XG: variants seen among roughly 807,000 people sequenced by gnomAD.
XG encodes the protein glycoprotein Xg.
In XG, 24 loss-of-function variants were observed where a neutral mutation model predicts 25.7. That is an observed-to-expected ratio of 0.93 (90% confidence interval 0.68 to 1.31). The LOEUF is 1.31. Ranked by LOEUF, XG falls within the 40% of genes most tolerant of loss-of-function variation. The probability of loss-of-function intolerance (pLI) is 0.00; values close to 1 mark genes in which losing one functional copy is unlikely to be tolerated. For missense variants in XG, 181 were observed against 187.6 expected (o/e 0.96, Z 0.21); for synonymous variants, 77 against 69.2 (o/e 1.11, Z -0.56).
chrX:2,792,059 G>A (rs753478187), intron 5 of XG, among the ~76,000 whole-genome samples: 3 of 111,125 alleles, frequency 2.7e-5, no homozygotes, highest in African/African-American at 6.5e-5. Context: ...GAAGTGGGAA[G>A]ACCACTTGAG....
At chrX:2,778,579 C>T (rs1359164895) in intron 3 of XG, among the ~76,000 whole-genome samples, 5 of 151,920 alleles carry the variant, frequency 3.3e-5, no homozygotes, top group African/African-American at 9.7e-5. Context: ...AAATGAAAAC[C>T]GTAGCTCAGA....
chrX:2,789,137 G>A (rs2086812573), intron 4 of XG, among the ~76,000 whole-genome samples: 1 of 110,037 alleles, frequency 9.1e-6, no homozygotes, highest in Non-Finnish European at 1.9e-5. Flanking sequence ...TGGCTGAGGT[G>A]GGAGGATTGT....
intron 1 of XG, among the ~76,000 whole-genome samples, chrX:2,763,832 C>G (rs2050617740): frequency 6.6e-6 from 1 of 152,182 alleles, no homozygotes; most frequent in South Asian, 2.1e-4. Flanking sequence ...CTTCCTCACG[C>G]TGCAATCCCA....
chrX:2,767,307 C>A (rs1181126189), intron 1 of XG, among the ~76,000 whole-genome samples: 1 of 152,014 alleles, frequency 6.6e-6, no homozygotes, highest in African/African-American at 2.4e-5. Flanking sequence ...CACAGCTTTA[C>A]CGGGGGCTCA....
chrX:2,766,149 T>A (rs1051508465), intron 1 of XG, among the ~76,000 whole-genome samples: 2 of 140,638 alleles, frequency 1.4e-5, no homozygotes, highest in Non-Finnish European at 3.1e-5. Context: ...TCTCTCTCTC[T>A]CTTTTTTTTT....
chrX:2,774,877 A>G, intron 3 of XG, 138 bp downstream of exon 3: 5 of 1,157,352 alleles, frequency 4.3e-6, no homozygotes, highest in Non-Finnish European at 6.4e-6. Flanking sequence ...GCAGATATTG[A>G]AAGCAAAATG....
intron 1 of XG, among the ~76,000 whole-genome samples, chrX:2,764,067 G>C (rs1422885331): frequency 6.6e-6 from 1 of 152,202 alleles, no homozygotes; most frequent in African/African-American, 2.4e-5. Flanking sequence ...ACAGCTTGCC[G>C]TAAAGAAGTC....
chrX:2,765,041 CAAAAAAAA>C (rs1219282861), intron 1 of XG, among the ~76,000 whole-genome samples: 6 of 36,610 alleles, frequency 1.6e-4, no homozygotes, highest in South Asian at 1.4e-3. Flanking sequence ...ATTCTTTATC[CAAAAAAAA>C]AAAAAAAAAA....
intron 1 of XG, among the ~76,000 whole-genome samples, chrX:2,759,477 A>G (rs2050514816): frequency 6.6e-6 from 1 of 152,290 alleles, no homozygotes; most frequent in Middle Eastern, 3.4e-3. Flanking sequence ...AATGGATCTT[A>G]CTGTCAGAAT....
rs140931233 is a variant in XG at position 2,790,864 on chromosome X, A to G, written c.253+1158A>G. On this transcript the variant is annotated intron_variant, in intron 5 of 10. Transcript: ENST00000644266. ...TAATGACTTAAAAATTCTCATCTCCATGGTGAAAGACCAATTGCTTTTGAA... is the reference window on the plus strand; with the variant it reads ...TAATGACTTAAAAATTCTCATCTCCGTGGTGAAAGACCAATTGCTTTTGAA... Among the ~76,000 whole-genome samples the G allele has an allele frequency of 8.3e-3, 929 of 111,952 alleles. 16 individuals carry two copies. Among genetic ancestry groups the G allele is most frequent in the African/African-American group, 0.028 (875 of 30,896 alleles).
chrX:2,763,468 G>T (rs1240307782), intron 1 of XG, among the ~76,000 whole-genome samples: 1 of 151,914 alleles, frequency 6.6e-6, no homozygotes, highest in African/African-American at 2.4e-5. Context: ...CCTTCCCTGG[G>T]GCATGTGGCG....
chrX:2,814,662 TTG>T lies in XG; in HGVS notation c.*285_*286del. On this transcript the variant is annotated 3_prime_UTR_variant, in exon 11 of 11. Transcript: ENST00000644266. ...TGCACAAAGAGACTGTGGCTCTCTG[TTG>T]TGAGATCTTCAGCTACCTCATGGTG... 3.4e-6 allele frequency: 1 copy of T among 293,457 alleles called. No individual in the cohort carries two copies. Among genetic ancestry groups the T allele is most frequent in the Non-Finnish European group, 5.9e-6 (1 of 170,098 alleles). The allele number at this position is 293,457 out of a possible 1,213,427, so 24.2% of individuals were successfully genotyped here. A position where few individuals can be genotyped will look rare whatever the true frequency, so the allele number is the denominator to read the frequency against.
intron 1 of XG, chrX:2,753,074 G>T (rs1403887091): frequency 1.9e-5 from 13 of 681,186 alleles, no homozygotes; most frequent in Non-Finnish European, 2.4e-5. Flanking sequence ...AGAGAGAGAA[G>T]TATTTCTGTT....
intron 3 of XG, among the ~76,000 whole-genome samples, chrX:2,778,341 G>C (rs1464903299): frequency 6.6e-6 from 1 of 152,162 alleles, no homozygotes; most frequent in Non-Finnish European, 1.5e-5. Context: ...CCAGGAGTTT[G>C]AGACTAGCCT....
At chrX:2,777,098 C>T (rs923633089) in intron 3 of XG, among the ~76,000 whole-genome samples, 44 of 152,164 alleles carry the variant, frequency 2.9e-4, no homozygotes, top group Admixed American at 2.8e-3. Flanking sequence ...AAGAAATTCA[C>T]ACCCTGAATA....
At position 2,782,090 on chromosome X, in the gene XG, C is replaced by T; in HGVS notation, c.152C>T (p.Pro51Leu). 8.3e-7 allele frequency: 1 copy of T among 1,211,835 alleles called. No individual in the cohort carries two copies. Among genetic ancestry groups the T allele is most frequent in the Non-Finnish European group, 1.1e-6 (1 of 895,437 alleles). The change falls in exon 4 of 11, where the codon CCT becomes CTT. Residue 51 changes from proline (P) to leucine (L), a missense_variant. By Grantham distance (98) the Pro-to-Leu change is moderately conservative. Transcript: ENST00000644266. Reference protein sequence around the residue: ...NSDIYPKPKPPYYPQPENPDS... With the variant: ...NSDIYPKPKPLYYPQPENPDS... Reference sequence around the variant, plus strand: ...GATATCTACCCAAAGCCAAAACCACCTTACTACCCACAGCCCGAGAATCCC... The same window carrying T: ...GATATCTACCCAAAGCCAAAACCACTTTACTACCCACAGCCCGAGAATCCC...
chrX:2,762,437 G>A (rs1349928385), intron 1 of XG, among the ~76,000 whole-genome samples: 1 of 152,012 alleles, frequency 6.6e-6, no homozygotes, highest in East Asian at 1.9e-4. Context: ...TGGGTTCCGA[G>A]GAGCAGATCA....
At chrX:2,784,160 C>T (rs1335724017) in intron 4 of XG, among the ~76,000 whole-genome samples, 2 of 111,524 alleles carry the variant, frequency 1.8e-5, no homozygotes, top group East Asian at 2.8e-4. Context: ...CATTGTCCTG[C>T]GGATCATGGC....
At chrX:2,758,021 C>G (rs1022377938) in intron 1 of XG, among the ~76,000 whole-genome samples, 3 of 150,720 alleles carry the variant, frequency 2.0e-5, no homozygotes, top group African/African-American at 7.3e-5. Context: ...TGATGATCGC[C>G]TAAGGTGAGA....
Sources: gnomAD v4.1 joint callset for allele counts (sites outside exome capture counted in the v4.1 genomes callset) on GRCh38, gnomAD v4.1.1 for gene constraint, MANE v1.5 for transcripts, NCBI Gene and HGNC (gene_info 2026-07-23, HGNC 2026-07-21) for gene names.